The following SOBP variants were observed in gnomAD, a reference collection of about 807,000 sequenced individuals.
The protein encoded by SOBP is sine oculis-binding protein homolog.
Under a neutral mutation model 53.6 loss-of-function variants are expected in SOBP, and 4 were observed. That is an observed-to-expected ratio of 0.07 (90% CI 0.04 to 0.17). SOBP has a LOEUF of 0.17. Among genes scored for constraint, SOBP ranks in the 10% least tolerant of loss-of-function variants. The probability of loss-of-function intolerance (pLI) is 1.00; values close to 1 mark genes in which losing one functional copy is unlikely to be tolerated. For synonymous variants in SOBP, 584 were observed against 522.6 expected (o/e 1.12, Z -1.60); for missense variants, 1,088 against 1,204.7 (o/e 0.90, Z 1.43).
At chr6:107,504,274 G>T (rs747583580) in intron 2 of SOBP, among the ~76,000 whole-genome samples, 1 of 152,156 alleles carries the variant, frequency 6.6e-6, no homozygotes, top group Non-Finnish European at 1.5e-5. Context: ...TGTTTTGCTT[G>T]ACATTTTCAT....
intron 4 of SOBP, among the ~76,000 whole-genome samples, chr6:107,573,659 G>C (rs1192373951): frequency 6.6e-6 from 1 of 152,144 alleles, no homozygotes; most frequent in Non-Finnish European, 1.5e-5. Context: ...GGGCACATGG[G>C]GTGCTCAGCC....
intron 1 of SOBP, among the ~76,000 whole-genome samples, chr6:107,497,640 C>T (rs1479089881): frequency 1.3e-5 from 2 of 151,982 alleles, no homozygotes; most frequent in Admixed American, 1.3e-4. Context: ...ACTATACTAA[C>T]CTTCCTTTTA....
At chr6:107,530,705 CTTT>C (rs1182930021) in intron 3 of SOBP, among the ~76,000 whole-genome samples, 1 of 151,954 alleles carries the variant, frequency 6.6e-6, no homozygotes, top group Non-Finnish European at 1.5e-5. Context: ...AAGCATATAC[CTTT>C]ATGAAATGGA....
intron 5 of SOBP, among the ~76,000 whole-genome samples, chr6:107,627,435 G>A (rs1770511895): frequency 6.6e-6 from 1 of 152,126 alleles, no homozygotes; most frequent in Admixed American, 6.5e-5. Context: ...CTGTGACCTG[G>A]GCCAAGATTT....
chr6:107,505,161 G>A (rs1289634230), intron 2 of SOBP, among the ~76,000 whole-genome samples: 1 of 151,974 alleles, frequency 6.6e-6, no homozygotes, highest in African/African-American at 2.4e-5. Flanking sequence ...TTTCTCATTG[G>A]TTCATGTGAT....
chr6:107,650,153 T>G (rs1771743447), intron 6 of SOBP, among the ~76,000 whole-genome samples: 1 of 152,154 alleles, frequency 6.6e-6, no homozygotes, highest in East Asian at 1.9e-4. Flanking sequence ...TTGGTTAATT[T>G]TTATTGTTAT....
rs558371955 is a variant in SOBP at position 107,579,276 on chromosome 6, G to A, written c.574-7804G>A. Among the ~76,000 whole-genome samples the A allele has an allele frequency of 1.6e-3, 249 of 152,208 alleles. 1 individual carries two copies. Among genetic ancestry groups the A allele is most frequent in the African/African-American group, 5.5e-3 (229 of 41,502 alleles). ...TGTGAGGTGGTGTGGCCTTAGCAGA[G>A]AATGAAAAAGAAGGGGGCTGCATGC... On this transcript the variant is annotated intron_variant, in intron 4 of 6. Transcript: ENST00000317357.
At chr6:107,600,308 G>T (rs1583257137) in intron 5 of SOBP, among the ~76,000 whole-genome samples, 1 of 152,184 alleles carries the variant, frequency 6.6e-6, no homozygotes, top group Admixed American at 6.5e-5. Context: ...CCTGGTCAAG[G>T]CTGCAGTGTG....
At chr6:107,518,750 G>T (rs201101006) in intron 3 of SOBP, among the ~76,000 whole-genome samples, 13 of 111,634 alleles carry the variant, frequency 1.2e-4, no homozygotes, top group Admixed American at 2.6e-4. Context: ...AGGAAAGGCT[G>T]TTTTTTTTTT....
At chr6:107,557,227 T>C (rs1379817609) in intron 4 of SOBP, among the ~76,000 whole-genome samples, 1 of 152,240 alleles carries the variant, frequency 6.6e-6, no homozygotes, top group East Asian at 1.9e-4. Context: ...GAGATTTTTT[T>C]CCTTTGAAAT....
intron 3 of SOBP, among the ~76,000 whole-genome samples, chr6:107,525,316 A>C (rs1783631090): frequency 6.6e-6 from 1 of 152,198 alleles, no homozygotes. Context: ...GGAAATACTC[A>C]CATTAATGTC....
At chr6:107,506,549 T>C (rs17068251) in intron 3 of SOBP, 122 bp downstream of exon 3, 199,361 of 1,023,244 alleles carry the variant, frequency 0.19, 20,967 homozygotes, top group South Asian at 0.3. Context: ...ACCTTATAGG[T>C]AAGAAATGTT....
At chr6:107,565,923 ATGT>A (rs765419285) in intron 4 of SOBP, among the ~76,000 whole-genome samples, 3 of 152,320 alleles carry the variant, frequency 2.0e-5, no homozygotes, top group Non-Finnish European at 2.9e-5. Flanking sequence ...TTCAAGCATA[ATGT>A]TGTACTTTTC....
intron 6 of SOBP, among the ~76,000 whole-genome samples, chr6:107,654,687 G>T (rs1196395692): frequency 6.6e-6 from 1 of 152,248 alleles, no homozygotes; most frequent in African/African-American, 2.4e-5. Flanking sequence ...AAGAATCGAG[G>T]CTCTGAGGGA....
At chr6:107,654,776 CT>C (rs1771952129) in intron 6 of SOBP, among the ~76,000 whole-genome samples, 2 of 145,638 alleles carry the variant, frequency 1.4e-5, no homozygotes, top group Admixed American at 6.9e-5. Context: ...AATCAGGGCT[CT>C]GAGGGAGGGT....
chr6:107,491,425 C>A (rs956515571), intron 1 of SOBP, among the ~76,000 whole-genome samples: 1 of 152,256 alleles, frequency 6.6e-6, no homozygotes, highest in African/African-American at 2.4e-5. Flanking sequence ...GTCCATTGTT[C>A]GCTAAGGCCG....
chr6:107,625,828 G>A (rs921024891), intron 5 of SOBP, among the ~76,000 whole-genome samples: 5 of 152,094 alleles, frequency 3.3e-5, no homozygotes, highest in Non-Finnish European at 7.4e-5. Context: ...TATGATTTTT[G>A]CCATTTTCTA....
At chr6:107,643,561 C>T (rs536185895) in intron 6 of SOBP, among the ~76,000 whole-genome samples, 5 of 152,120 alleles carry the variant, frequency 3.3e-5, no homozygotes, top group South Asian at 2.1e-4. Flanking sequence ...GGATTACAGG[C>T]GCGCACCACC....
Position 107,542,957 on chromosome 6 carries a change from C to T in SOBP, c.573+9347C>T, listed in dbSNP as rs1408825796. The stretch of plus-strand genomic sequence containing the variant: ...TGCTCTGAGAGACCTACAGCATCCA[C>T]GGGCCTTCTCAAGCTCTAGCCTTAG... On this transcript the variant is annotated intron_variant, in intron 4 of 6. Transcript: ENST00000317357. Among the ~76,000 whole-genome samples, 5 of 151,986 alleles carry T rather than the reference C, an allele frequency of 3.3e-5. No homozygotes were observed. In the East Asian group the frequency reaches 5.8e-4, roughly 18 times the overall value.
Sources: allele counts gnomAD v4.1 joint callset (sites outside exome capture counted in the v4.1 genomes callset), GRCh38; gene constraint gnomAD v4.1.1; transcripts MANE v1.5; gene names NCBI Gene and HGNC (gene_info 2026-07-23, HGNC 2026-07-21).